Variants in MFAP3L observed in about 807,000 individuals in gnomAD.
MFAP3L encodes microfibrillar-associated protein 3-like.
MFAP3L carries 5 observed loss-of-function variants against 20.0 expected under a neutral mutation model. The observed-to-expected ratio is 0.25, with a 90% confidence interval of 0.13 to 0.53. MFAP3L has a LOEUF of 0.53. MFAP3L is among the 20% of genes least tolerant of loss of function. The pLI, the probability that MFAP3L is intolerant of heterozygous loss-of-function variation, is 0.96. For synonymous variants in MFAP3L, 219 were observed against 213.0 expected (o/e 1.03, Z -0.25); for missense variants, 409 against 527.5 (o/e 0.78, Z 2.20).
intron 1 of MFAP3L, among the ~76,000 whole-genome samples, chr4:170,024,266 C>T (rs1050934373): frequency 2.0e-5 from 3 of 152,158 alleles, no homozygotes; most frequent in Non-Finnish European, 4.4e-5. Flanking sequence ...TGTCTCTTAA[C>T]ACTGAGAAAA....
chr4:170,003,183 G>A (rs1427241740), intron 2 of MFAP3L, among the ~76,000 whole-genome samples: 1 of 152,182 alleles, frequency 6.6e-6, no homozygotes, highest in African/African-American at 2.4e-5. Flanking sequence ...AGTATCACGA[G>A]TTCTTTTTAA....
chr4:170,009,512 G>T (rs111381688), intron 1 of MFAP3L, among the ~76,000 whole-genome samples: 1 of 151,534 alleles, frequency 6.6e-6, no homozygotes, highest in Non-Finnish European at 1.5e-5. Context: ...TAAACCCTAA[G>T]TACTATAATC....
chr4:170,003,853 C>T (rs1185347723), intron 2 of MFAP3L: 1 of 985,372 alleles, frequency 1.0e-6, no homozygotes, highest in Non-Finnish European at 1.2e-6. Flanking sequence ...ACATCACTGC[C>T]TTCTGACTTG....
intron 2 of MFAP3L, among the ~76,000 whole-genome samples, chr4:169,993,096 C>G: frequency 6.6e-6 from 1 of 152,194 alleles, no homozygotes. Context: ...ACCCCCACCA[C>G]CCTCTCTGGA....
chr4:170,001,916 C>T, intron 2 of MFAP3L: 1 of 985,216 alleles, frequency 1.0e-6, no homozygotes, highest in Non-Finnish European at 1.2e-6. Context: ...GGAAATAGCC[C>T]CATTCTCTCT....
At chr4:170,006,811 C>G (rs1235207786) in intron 1 of MFAP3L, 1 of 152,232 alleles carries the variant, frequency 6.6e-6, no homozygotes, top group South Asian at 2.1e-4. Context: ...TTCCAGAATG[C>G]TCCTTACTGT....
chr4:170,014,193 CA>C (rs35239099), intron 1 of MFAP3L, among the ~76,000 whole-genome samples: 9,934 of 152,252 alleles, frequency 0.065, 328 homozygotes, highest in Middle Eastern at 0.092. Context: ...TATGTCCTTT[CA>C]AAACATTCTT....
intron 2 of MFAP3L, among the ~76,000 whole-genome samples, chr4:169,998,710 TA>T (rs1232886392): frequency 6.6e-6 from 1 of 152,242 alleles, no homozygotes; most frequent in African/African-American, 2.4e-5. Context: ...ATGAGTGGTA[TA>T]AACAGATTAA....
In MFAP3L at chr4:169,988,393, G is replaced by C. The variant is rs1737422438; in HGVS notation, c.*2985C>G. ...ATGTGAATCATTTTCAGAATTTCAA[G>C]AAAAACATTGCTAGAGATATGACCA... On this transcript the variant is annotated 3_prime_UTR_variant, in exon 3 of 3. Transcript: ENST00000361618. The C allele has an allele frequency of 6.6e-6, 1 of 152,156 alleles. No homozygotes were observed. 9.4% of individuals were successfully genotyped at this position (152,156 alleles called of 1,614,324 possible).
Position 169,992,687 on chromosome 4 carries a change from G to A in MFAP3L, c.299-378C>T, listed in dbSNP as rs1737814681. 6.6e-6 allele frequency among the ~76,000 whole-genome samples: 1 copy of A among 152,226 alleles called. No individual in the cohort carries two copies. The highest frequency in any genetic ancestry group is 1.5e-5 in the Non-Finnish European group (1 of 68,032). Reference sequence around the variant, plus strand: ...CTCCACATCCTAGTGAAAAATGAGAGAAACAATCTGGAAAACACTGTGCTC... The same window carrying A: ...CTCCACATCCTAGTGAAAAATGAGAAAAACAATCTGGAAAACACTGTGCTC... On this transcript the variant is annotated intron_variant, in intron 2 of 2. Transcript: ENST00000361618. The surrounding 1 kb of genome is among the most constrained non-coding windows in gnomAD (Gnocchi z 4.3).
chr4:169,994,527 A>G (rs986450507), intron 2 of MFAP3L: 32 of 974,520 alleles, frequency 3.3e-5, no homozygotes, highest in African/African-American at 3.5e-5. Context: ...CCTCTATTGA[A>G]TATTTAAAAA....
chr4:170,024,865 C>T, intron 1 of MFAP3L, among the ~76,000 whole-genome samples: 1 of 152,166 alleles, frequency 6.6e-6, no homozygotes, highest in East Asian at 1.9e-4. Context: ...TAAAGCCTAC[C>T]CACAACTCAA....
chr4:169,995,282 A>G (rs1241988050), intron 2 of MFAP3L, among the ~76,000 whole-genome samples: 1 of 152,192 alleles, frequency 6.6e-6, no homozygotes. Flanking sequence ...GAAGAGAACT[A>G]AGGTCCCGTA....
intron 2 of MFAP3L, chr4:170,001,854 G>A (rs1738644285): frequency 1.1e-6 from 1 of 876,116 alleles, no homozygotes; most frequent in African/African-American, 1.8e-5. Context: ...TGGAATTGAA[G>A]TGACAGCACC....
chr4:169,997,755 A>G (rs947475970), intron 2 of MFAP3L: 7 of 981,792 alleles, frequency 7.1e-6, no homozygotes, highest in Non-Finnish European at 2.4e-6. Flanking sequence ...AACTCACCGC[A>G]GCCTGGATGG....
chr4:170,002,771 G>C (rs1249145465), intron 2 of MFAP3L, among the ~76,000 whole-genome samples: 2 of 151,876 alleles, frequency 1.3e-5, no homozygotes, highest in African/African-American at 2.4e-5. Context: ...GCCTCCCAAA[G>C]TGCTGGGATT....
chr4:170,002,844 T>TA (rs200565141), intron 2 of MFAP3L, among the ~76,000 whole-genome samples: 20,351 of 143,700 alleles, frequency 0.14, 3,570 homozygotes, highest in African/African-American at 0.41. Context: ...CCTCTTTATT[T>TA]AAAAAAAAAA....
intron 1 of MFAP3L, among the ~76,000 whole-genome samples, chr4:170,017,622 T>A (rs902287663): frequency 2.0e-5 from 3 of 152,168 alleles, no homozygotes; most frequent in Non-Finnish European, 4.4e-5. Flanking sequence ...GCAACCCTCA[T>A]AACATTGTAG....
chr4:170,006,420 C>T (rs537205280), intron 1 of MFAP3L, among the ~76,000 whole-genome samples: 1 of 152,256 alleles, frequency 6.6e-6, no homozygotes, highest in African/African-American at 2.4e-5. Flanking sequence ...GCCAAACCTA[C>T]ATACTTTTTA....
Sources: allele counts gnomAD v4.1 joint callset (sites outside exome capture counted in the v4.1 genomes callset), GRCh38; gene constraint gnomAD v4.1.1; non-coding constraint Gnocchi (gnomAD v3.1); transcripts MANE v1.5; gene names NCBI Gene and HGNC (gene_info 2026-07-23, HGNC 2026-07-21).